Variants in DOCK7 observed in about 807,000 individuals in gnomAD.
DOCK7 encodes dedicator of cytokinesis 7.
DOCK7 carries 138 observed loss-of-function variants against 271.0 expected under a neutral mutation model. That is an observed-to-expected ratio of 0.51 (90% CI 0.44 to 0.59). The LOEUF is 0.59. Among genes scored for constraint, DOCK7 ranks in the 20% least tolerant of loss-of-function variants. DOCK7 has a pLI of 0.00. For missense variants in DOCK7, 2,066 were observed against 2,592.4 expected, an observed-to-expected ratio of 0.80 and a Z score of 4.41; for synonymous variants, 823 against 876.1, an observed-to-expected ratio of 0.94 and a Z score of 1.07.
intron 27 of DOCK7, 89 bp from the exon 28 acceptor site, chr1:62,538,150 G>C (rs1213574508): frequency 2.6e-5 from 36 of 1,371,516 alleles, no homozygotes; most frequent in Non-Finnish European, 3.5e-5. Flanking sequence ...GAATTAAAGA[G>C]ATAGTACTTG....
At chr1:62,543,291 G>C (rs1645595662) in intron 24 of DOCK7, 3 of 173,988 alleles carry the variant, frequency 1.7e-5, no homozygotes, top group South Asian at 2.8e-4. Flanking sequence ...CTTACTAAGA[G>C]TGACAATTTT....
chr1:62,495,664 GA>G lies in DOCK7; in HGVS notation c.4940del (p.Phe1647SerfsTer5). The stretch of plus-strand genomic sequence containing the variant: ...TATCAGAAAGAATCATATGGAGATT[GA>G]AAACCAGATCCTGGACCTGCAGCAG... ...TFPDQVQDLV[F>X]NLHMILSDTV... On this transcript the variant is annotated frameshift_variant, in exon 39 of 50. Transcript: ENST00000635253. LOFTEE classifies it high-confidence loss of function. The G allele has an allele frequency of 6.3e-7, 1 of 1,583,324 alleles. No homozygotes were observed. Among genetic ancestry groups the G allele is most frequent in the Admixed American group, 2.0e-5 (1 of 50,032 alleles).
chr1:62,513,139 G>C (rs1376509834), intron 33 of DOCK7, among the ~76,000 whole-genome samples: 1 of 150,650 alleles, frequency 6.6e-6, no homozygotes, highest in Admixed American at 6.7e-5. Context: ...CAAAAATAAA[G>C]TCTATTTAAA....
At chr1:62,670,768 C>G (rs1007784650) in intron 1 of DOCK7, among the ~76,000 whole-genome samples, 5 of 152,102 alleles carry the variant, frequency 3.3e-5, no homozygotes, top group Admixed American at 1.3e-4. Context: ...ACAGGCCACT[C>G]GACTCTACCA....
At chr1:62,586,753 T>G (rs1571656849) in intron 14 of DOCK7, 129 bp from the exon 15 acceptor site, 1 of 500,296 alleles carries the variant, frequency 2.0e-6, no homozygotes, top group East Asian at 3.3e-5. Context: ...ATGCTAAGTA[T>G]TTTCACATGT....
chr1:62,509,649 A>G (rs1366703413), intron 34 of DOCK7, among the ~76,000 whole-genome samples: 1 of 152,212 alleles, frequency 6.6e-6, no homozygotes, highest in African/African-American at 2.4e-5. Context: ...TTCCAAGGTT[A>G]AGAATTTTAA....
In DOCK7 at chr1:62,688,286, G is replaced by A. The variant is rs752444376; in HGVS notation, c.-22C>T. 4 of 1,230,064 alleles carry A rather than the reference G, an allele frequency of 3.3e-6. No homozygotes were observed. The highest frequency in any genetic ancestry group is 7.2e-5 in the East Asian group (2 of 27,590). 76.2% of individuals were successfully genotyped at this position (1,230,064 alleles called of 1,614,324 possible). On this transcript the variant is annotated 5_prime_UTR_variant, in exon 1 of 50. Transcript: ENST00000635253. Reference sequence around the variant, plus strand: ...CCATGGCTGCTGCGGCGACGGCGACGGCGGCGGCGGCTGCGGCGGGCCGGG... The same window carrying A: ...CCATGGCTGCTGCGGCGACGGCGACAGCGGCGGCGGCTGCGGCGGGCCGGG...
intron 31 of DOCK7, among the ~76,000 whole-genome samples, chr1:62,520,482 C>T (rs1033020366): frequency 1.0e-5 from 1 of 96,050 alleles, no homozygotes; most frequent in African/African-American, 2.8e-5. Context: ...ATGAGGCCAA[C>T]AAACATATGA....
chr1:62,487,466 CA>C (rs1319954899), intron 42 of DOCK7, 54 bp from the exon 43 acceptor site: 6 of 1,530,138 alleles, frequency 3.9e-6, no homozygotes, highest in Admixed American at 1.7e-5. Flanking sequence ...TTTGAAAGAA[CA>C]AAAAAGGCCA....
chr1:62,642,648 TATTG>T (rs1656176595), intron 7 of DOCK7, among the ~76,000 whole-genome samples: 1 of 152,200 alleles, frequency 6.6e-6, no homozygotes, highest in African/African-American at 2.4e-5. Flanking sequence ...TACATTGTGT[TATTG>T]ATTTTGTTCT....
At chr1:62,478,090 C>G (rs1219112027) in intron 43 of DOCK7, 4 of 330,296 alleles carry the variant, frequency 1.2e-5, no homozygotes, top group Non-Finnish European at 2.2e-5. Flanking sequence ...CGAAGTGCCT[C>G]TATCACATTG....
chr1:62,510,875 A>T, intron 33 of DOCK7: 1 of 444,876 alleles, frequency 2.2e-6, no homozygotes, highest in Non-Finnish European at 3.9e-6. Context: ...TGCTATATGC[A>T]GTATCTTTTC....
chr1:62,559,340 G>A (rs1646246852), intron 19 of DOCK7, 120 bp from the exon 20 acceptor site: 3 of 616,488 alleles, frequency 4.9e-6, no homozygotes. Flanking sequence ...GTTCAAGTAG[G>A]TATACAAACA....
intron 31 of DOCK7, among the ~76,000 whole-genome samples, chr1:62,526,754 G>T (rs1645021823): frequency 6.6e-6 from 1 of 152,108 alleles, no homozygotes; most frequent in Admixed American, 6.5e-5. Context: ...AAAAAGGAAA[G>T]AAGTATTGAT....
intron 14 of DOCK7, among the ~76,000 whole-genome samples, chr1:62,587,489 C>T (rs1748191): frequency 0.027 from 4,152 of 151,982 alleles, 189 homozygotes; most frequent in African/African-American, 0.094. Context: ...AACACTTTGA[C>T]CCAACAAACA....
At chr1:62,623,195 G>A (rs1236290956) in intron 12 of DOCK7, among the ~76,000 whole-genome samples, 1 of 152,140 alleles carries the variant, frequency 6.6e-6, no homozygotes, top group African/African-American at 2.4e-5. Context: ...AAAAATCTGT[G>A]CCTTGAATTC....
At chr1:62,501,415 AAAT>A (rs1646780111) in intron 37 of DOCK7, among the ~76,000 whole-genome samples, 1 of 152,220 alleles carries the variant, frequency 6.6e-6, no homozygotes, top group African/African-American at 2.4e-5. Flanking sequence ...GACATAAAAC[AAAT>A]AATATTATTT....
At chr1:62,519,861 A>T (rs755815001) in intron 31 of DOCK7, among the ~76,000 whole-genome samples, 1 of 152,192 alleles carries the variant, frequency 6.6e-6, no homozygotes, top group Non-Finnish European at 1.5e-5. Context: ...CTATACTACA[A>T]GGCTACAGTA....
chr1:62,670,995 G>A (rs1047526421), intron 1 of DOCK7, among the ~76,000 whole-genome samples: 7 of 151,986 alleles, frequency 4.6e-5, no homozygotes. Context: ...AGCCCAGCGA[G>A]ACCACGAGCC....
Sources: gnomAD v4.1 joint callset for allele counts (sites outside exome capture counted in the v4.1 genomes callset) on GRCh38, gnomAD v4.1.1 for gene constraint, MANE v1.5 for transcripts, NCBI Gene and HGNC (gene_info 2026-07-23, HGNC 2026-07-21) for gene names.